NIPBL: variants seen among roughly 807,000 people sequenced by gnomAD.
NIPBL encodes the protein NIPBL cohesin loading factor.
NIPBL carries 19 observed loss-of-function variants against 321.8 expected under a neutral mutation model. The ratio of observed to expected loss-of-function variants is 0.06; its 90% CI spans 0.04 to 0.09. The LOEUF is 0.09. NIPBL is among the 10% of genes least tolerant of loss of function. NIPBL has a pLI of 1.00. For missense variants in NIPBL, 2,210 were observed against 3,327.0 expected, an observed-to-expected ratio of 0.66 and a Z score of 8.26; for synonymous variants, 1,106 against 1,114.1, an observed-to-expected ratio of 0.99 and a Z score of 0.14.
chr5:37,034,440 CA>C (rs1561190982), intron 32 of NIPBL, among the ~76,000 whole-genome samples: 1 of 152,080 alleles, frequency 6.6e-6, no homozygotes, highest in African/African-American at 2.4e-5. Context: ...GAGGCATATA[CA>C]AGAGTGCTTA....
chr5:36,893,098 G>C (rs1388066382), intron 1 of NIPBL, among the ~76,000 whole-genome samples: 1 of 151,912 alleles, frequency 6.6e-6, no homozygotes, highest in Non-Finnish European at 1.5e-5. Flanking sequence ...ATTTTCTATT[G>C]TGCAAAGTTC....
chr5:36,941,579 C>G (rs951820196), intron 1 of NIPBL, among the ~76,000 whole-genome samples: 11 of 149,846 alleles, frequency 7.3e-5, no homozygotes, highest in Non-Finnish European at 1.2e-4. Flanking sequence ...AGAGTTTGTT[C>G]AGGTGTTTTT....
At chr5:36,890,988 G>A (rs768587478) in intron 1 of NIPBL, among the ~76,000 whole-genome samples, 11 of 152,116 alleles carry the variant, frequency 7.2e-5, no homozygotes, top group Non-Finnish European at 1.2e-4. Flanking sequence ...ACTTCAGGCC[G>A]GGCACGGTGG....
chr5:36,957,123 T>C (rs1474808328), intron 3 of NIPBL, among the ~76,000 whole-genome samples: 2 of 152,148 alleles, frequency 1.3e-5, no homozygotes, highest in Admixed American at 6.6e-5. Context: ...GAGTAGAACA[T>C]TGACATGTAT....
At position 37,064,841 on chromosome 5, in the gene NIPBL, T is replaced by C. The variant is rs1382877417; in HGVS notation, c.8364T>C (p.Val2788=). 6.2e-7 allele frequency: 1 copy of C among 1,614,176 alleles called. No homozygotes were observed. Among genetic ancestry groups the C allele is most frequent in the Admixed American group, 1.7e-5 (1 of 60,010 alleles). Residue 2788 remains valine, a synonymous_variant, in exon 47 of 47, where the codon GTT becomes GTC. Coordinates refer to ENST00000282516, the MANE Select transcript of NIPBL (RefSeq NM_133433.4). ...GTGCTAATAAGCTGACTAATAAAGT[T>C]GTTCAGACTTTACGATCCCTGTATG... ...LTSANKLTNK[V]VQTLRSLYAA...
At chr5:37,052,038 G>A in intron 41 of NIPBL, 152 bp downstream of exon 41, 2 of 714,804 alleles carry the variant, frequency 2.8e-6, no homozygotes, top group Non-Finnish European at 4.9e-6. Flanking sequence ...GTCTTCCAAG[G>A]TGTTTATTCT....
intron 1 of NIPBL, among the ~76,000 whole-genome samples, chr5:36,878,883 C>G (rs1386144169): frequency 2.0e-5 from 3 of 151,988 alleles, no homozygotes; most frequent in African/African-American, 7.3e-5. Flanking sequence ...ATCCCGGCCT[C>G]CCTCCCTCCC....
chr5:36,892,952 G>A (rs1351141437), intron 1 of NIPBL, among the ~76,000 whole-genome samples: 2 of 152,256 alleles, frequency 1.3e-5, no homozygotes, highest in African/African-American at 2.4e-5. Context: ...TAATAAAAAA[G>A]TAGCATGGTG....
Position 36,955,646 on chromosome 5 carries a change from G to T in NIPBL, c.230+9G>T. ...GTATCAACAGATCACATGTAAGTATGATCAATTTTATATCTACTATAAGTG... is the reference window on the plus strand; with the variant it reads ...GTATCAACAGATCACATGTAAGTATTATCAATTTTATATCTACTATAAGTG... On this transcript the variant is annotated intron_variant, in intron 3 of 46. Transcript: ENST00000282516. 1 of 1,611,826 alleles carries T rather than the reference G, an allele frequency of 6.2e-7. No individual in the cohort carries two copies. The highest frequency in any genetic ancestry group is 1.1e-5 in the South Asian group (1 of 91,016).
intron 1 of NIPBL, among the ~76,000 whole-genome samples, chr5:36,896,547 T>G (rs1403606254): frequency 6.6e-6 from 1 of 152,158 alleles, no homozygotes; most frequent in East Asian, 1.9e-4. Flanking sequence ...ATCTTAACAA[T>G]CCAAGGGCAT....
intron 33 of NIPBL, 76 bp downstream of exon 33, chr5:37,036,563 A>G: frequency 3.7e-6 from 2 of 543,298 alleles, no homozygotes. Context: ...TAAATTTCTC[A>G]TTTTTGCCTC....
At chr5:37,004,636 G>C (rs1411115026) in intron 16 of NIPBL, among the ~76,000 whole-genome samples, 2 of 152,022 alleles carry the variant, frequency 1.3e-5, no homozygotes, top group Non-Finnish European at 2.9e-5. Context: ...CAAACTGCTG[G>C]CAACAAACAA....
intron 6 of NIPBL, among the ~76,000 whole-genome samples, chr5:36,965,094 A>G (rs1417215910): frequency 1.3e-5 from 2 of 152,184 alleles, no homozygotes; most frequent in South Asian, 2.1e-4. Context: ...GTAAATTAGT[A>G]CAGCCTTTAT....
At chr5:37,053,933 C>CA (rs1225838352) in intron 42 of NIPBL, among the ~76,000 whole-genome samples, 1 of 152,162 alleles carries the variant, frequency 6.6e-6, no homozygotes, top group South Asian at 2.1e-4. Context: ...AGTGGTGACT[C>CA]ACGCCTGTAA....
intron 1 of NIPBL, among the ~76,000 whole-genome samples, chr5:36,891,678 T>A (rs1746343075): frequency 6.6e-6 from 1 of 152,106 alleles, no homozygotes; most frequent in Non-Finnish European, 1.5e-5. Flanking sequence ...TTACTAAGAA[T>A]TCTGTGTTTT....
chr5:36,885,757 C>T (rs1745850488), intron 1 of NIPBL: 4 of 610,960 alleles, frequency 6.5e-6, no homozygotes, highest in African/African-American at 1.8e-5. Context: ...TCCGTGGGCT[C>T]TGCAAGGTCA....
chr5:36,909,800 A>G (rs1277515814), intron 1 of NIPBL, among the ~76,000 whole-genome samples: 1 of 152,204 alleles, frequency 6.6e-6, no homozygotes, highest in Non-Finnish European at 1.5e-5. Flanking sequence ...AGTATGGGCC[A>G]TGCACAGTGG....
At chr5:36,943,745 G>A (rs763107309) in intron 1 of NIPBL, among the ~76,000 whole-genome samples, 2 of 152,056 alleles carry the variant, frequency 1.3e-5, no homozygotes, top group South Asian at 2.1e-4. Context: ...AGTAGAGTAC[G>A]GAGAGGAAGA....
intron 1 of NIPBL, among the ~76,000 whole-genome samples, chr5:36,923,958 A>C (rs1749154433): frequency 6.6e-6 from 1 of 152,198 alleles, no homozygotes; most frequent in African/African-American, 2.4e-5. Flanking sequence ...GCAAGTTCCA[A>C]GTTATCTGTA....
Sources: allele counts gnomAD v4.1 joint callset (sites outside exome capture counted in the v4.1 genomes callset), GRCh38; gene constraint gnomAD v4.1.1; transcripts MANE v1.5; gene names NCBI Gene and HGNC (gene_info 2026-07-23, HGNC 2026-07-21).